Variants in EYS observed in about 807,000 individuals in gnomAD.
EYS encodes the protein protein eyes shut homolog.
In EYS, 250 loss-of-function variants were observed where a neutral mutation model predicts 282.1. The observed-to-expected ratio is 0.89, with a 90% CI of 0.80 to 0.98. EYS has a LOEUF of 0.98. Among genes scored for constraint, EYS ranks in the 50% least tolerant of loss-of-function variants. EYS has a pLI of 0.00. For synonymous variants in EYS, 1,355 were observed against 1,282.9 expected (o/e 1.06, Z -1.20); for missense variants, 4,016 against 3,709.0 (o/e 1.08, Z -2.15).
At chr6:64,665,836 T>G (rs1045386646) in intron 22 of EYS, among the ~76,000 whole-genome samples, 1 of 152,078 alleles carries the variant, frequency 6.6e-6, no homozygotes, top group Non-Finnish European at 1.5e-5. Flanking sequence ...TGTCACTCCA[T>G]TCTAAAGAGA....
intron 36 of EYS, among the ~76,000 whole-genome samples, chr6:63,845,501 C>T (rs1772075609): frequency 6.6e-6 from 1 of 151,650 alleles, no homozygotes; most frequent in Non-Finnish European, 1.5e-5. Flanking sequence ...ACCACACTGC[C>T]CTTTACTCTA....
chr6:64,586,179 TTGATGGGGTGAG>T (rs1766228566), intron 26 of EYS, among the ~76,000 whole-genome samples: 1 of 152,048 alleles, frequency 6.6e-6, no homozygotes, highest in African/African-American at 2.4e-5. Context: ...ATAACAGTGC[TTGATGGGGTGAG>T]TTCAGCCCTT....
chr6:64,022,455 G>A (rs551734567), intron 33 of EYS, among the ~76,000 whole-genome samples: 1 of 152,058 alleles, frequency 6.6e-6, no homozygotes, highest in East Asian at 1.9e-4. Flanking sequence ...CAATTCATTG[G>A]CATTAAGTAC....
intron 12 of EYS, among the ~76,000 whole-genome samples, chr6:65,069,300 C>T (rs1328190368): frequency 6.6e-6 from 1 of 151,986 alleles, no homozygotes; most frequent in African/African-American, 2.4e-5. Flanking sequence ...CATTCTTTCT[C>T]TCTTCCTTCC....
At chr6:65,370,223 C>A (rs1489490764) in intron 8 of EYS, among the ~76,000 whole-genome samples, 2 of 146,464 alleles carry the variant, frequency 1.4e-5, no homozygotes, top group Non-Finnish European at 3.0e-5. Context: ...CCATTTCTTT[C>A]TTTCTTTCCT....
chr6:65,019,891 C>T (rs1019286271), intron 13 of EYS, among the ~76,000 whole-genome samples: 33 of 137,360 alleles, frequency 2.4e-4, no homozygotes, highest in African/African-American at 9.4e-4. Flanking sequence ...ACATGTCCCT[C>T]TTCACATGGC....
At chr6:64,788,252 C>A (rs1054831934) in intron 22 of EYS, among the ~76,000 whole-genome samples, 142 of 152,198 alleles carry the variant, frequency 9.3e-4, no homozygotes, top group African/African-American at 3.3e-3. Flanking sequence ...TCAGTAATAC[C>A]TCCAACTGTT....
At chr6:64,435,916 T>C (rs958675000) in intron 28 of EYS, among the ~76,000 whole-genome samples, 2 of 151,968 alleles carry the variant, frequency 1.3e-5, no homozygotes, top group African/African-American at 4.8e-5. Flanking sequence ...ACAACAGCCA[T>C]ATGAGAAAAA....
At chr6:64,766,040 T>C (rs1309739845) in intron 22 of EYS, among the ~76,000 whole-genome samples, 5 of 150,944 alleles carry the variant, frequency 3.3e-5, no homozygotes, top group East Asian at 3.9e-4. Context: ...GAAATCCCCC[T>C]TTTTTTTTGT....
chr6:64,666,981 T>A (rs1461916064), intron 22 of EYS, among the ~76,000 whole-genome samples: 1 of 152,106 alleles, frequency 6.6e-6, no homozygotes, highest in Non-Finnish European at 1.5e-5. Context: ...ACCAGAATAG[T>A]TTTATTACAG....
intron 2 of EYS, among the ~76,000 whole-genome samples, chr6:65,573,714 C>T (rs1764558208): frequency 6.6e-6 from 1 of 152,294 alleles, no homozygotes; most frequent in African/African-American, 2.4e-5. Context: ...ACATAGGCTC[C>T]AGGGCCAAAT....
At chr6:63,903,556 T>TC (rs1773706420) in intron 35 of EYS, among the ~76,000 whole-genome samples, 1 of 152,200 alleles carries the variant, frequency 6.6e-6, no homozygotes, top group African/African-American at 2.4e-5. Context: ...AATGGAATAC[T>TC]CTTCCCTTGC....
chr6:64,343,662 G>A (rs543752768), intron 29 of EYS, among the ~76,000 whole-genome samples: 1 of 152,168 alleles, frequency 6.6e-6, no homozygotes, highest in African/African-American at 2.4e-5. Context: ...AGAAGCAAGA[G>A]CAAACACATT....
intron 18 of EYS, among the ~76,000 whole-genome samples, chr6:64,889,443 T>C (rs1246707467): frequency 6.6e-6 from 1 of 151,984 alleles, no homozygotes; most frequent in Non-Finnish European, 1.5e-5. Context: ...TCAATTATGA[T>C]TTCCTTCTGA....
chr6:65,638,311 G>A (rs1325124816), intron 2 of EYS, among the ~76,000 whole-genome samples: 1 of 152,062 alleles, frequency 6.6e-6, no homozygotes, highest in African/African-American at 2.4e-5. Context: ...CCAGTTGTCC[G>A]CATACCTCAT....
chr6:64,474,638 C>A (rs999816290), intron 26 of EYS, among the ~76,000 whole-genome samples: 2 of 152,150 alleles, frequency 1.3e-5, no homozygotes, highest in Non-Finnish European at 2.9e-5. Flanking sequence ...ATTGATTTGA[C>A]ATAGTAAATT....
intron 19 of EYS, among the ~76,000 whole-genome samples, chr6:64,839,448 T>A (rs1765495590): frequency 6.6e-6 from 1 of 151,996 alleles, no homozygotes; most frequent in Non-Finnish European, 1.5e-5. Context: ...TAGTACAAAT[T>A]TACAGGGAAA....
chr6:63,907,961 C>CAATA (rs1773816194), intron 35 of EYS, among the ~76,000 whole-genome samples: 1 of 147,244 alleles, frequency 6.8e-6, no homozygotes, highest in African/African-American at 2.5e-5. Flanking sequence ...CTTTTTTATG[C>CAATA]CTGAATAGTA....
intron 36 of EYS, among the ~76,000 whole-genome samples, chr6:63,853,416 T>G (rs544528458): frequency 1.3e-5 from 2 of 152,122 alleles, no homozygotes; most frequent in South Asian, 4.2e-4. Context: ...CCTAGGAATA[T>G]AACTGACAAA....
Sources: allele counts gnomAD v4.1 joint callset (sites outside exome capture counted in the v4.1 genomes callset), GRCh38; gene constraint gnomAD v4.1.1; transcripts MANE v1.5; gene names NCBI Gene and HGNC (gene_info 2026-07-23, HGNC 2026-07-21).